The following PAFAH1B1 variants were observed in gnomAD, a reference collection of about 807,000 sequenced individuals.
PAFAH1B1 encodes platelet-activating factor acetylhydrolase IB subunit beta.
In PAFAH1B1, 2 loss-of-function variants were observed where a neutral mutation model predicts 57.5. The ratio of observed to expected loss-of-function variants is 0.03; its 90% CI spans 0.01 to 0.11. The LOEUF (loss-of-function observed/expected upper bound fraction) is 0.11. Among genes scored for constraint, PAFAH1B1 ranks in the 10% least tolerant of loss-of-function variants. The probability of loss-of-function intolerance (pLI) is 1.00; values close to 1 mark genes in which losing one functional copy is unlikely to be tolerated. For synonymous variants in PAFAH1B1, 152 were observed against 169.6 expected, an observed-to-expected ratio of 0.90 and a Z score of 0.81; for missense variants, 257 against 512.0, an observed-to-expected ratio of 0.50 and a Z score of 4.81.
intron 2 of PAFAH1B1, among the ~76,000 whole-genome samples, chr17:2,661,685 A>G (rs2069015741): frequency 6.6e-6 from 1 of 152,188 alleles, no homozygotes; most frequent in Non-Finnish European, 1.5e-5. Flanking sequence ...AAAACATCTC[A>G]GTTCATCAGC....
chr17:2,676,198 C>G (rs541316012), intron 8 of PAFAH1B1: 40 of 339,516 alleles, frequency 1.2e-4, no homozygotes, highest in Admixed American at 2.5e-4. Context: ...CCCAACATGG[C>G]AAAACCCCAT....
chr17:2,631,723 C>T (rs573333364), intron 1 of PAFAH1B1, among the ~76,000 whole-genome samples: 3 of 152,246 alleles, frequency 2.0e-5, no homozygotes, highest in Admixed American at 6.5e-5. Context: ...AGGAGCAATC[C>T]GCTTCCTTCA....
chr17:2,648,357 C>T (rs1051635021), intron 2 of PAFAH1B1, among the ~76,000 whole-genome samples: 3 of 151,934 alleles, frequency 2.0e-5, no homozygotes, highest in Non-Finnish European at 2.9e-5. Flanking sequence ...ATAATTTTTC[C>T]CGTGATTACA....
rs537301537 is a variant in PAFAH1B1 at position 2,628,112 on chromosome 17, A to G, written c.-190-9987A>G. ...TGCTCTGGCTAGGACTTCCAGTACT[A>G]TGTTGAAGAGGAGCGGTGAGAGTGG... On this transcript the variant is annotated intron_variant, in intron 1 of 10. Transcript: ENST00000397195. Among the ~76,000 whole-genome samples the G allele has an allele frequency of 6.2e-4, 95 of 152,256 alleles. 1 individual carries two copies. The South Asian group carries it at 8.1e-3, about 13-fold the overall frequency.
At chr17:2,610,724 C>T (rs1373140228) in intron 1 of PAFAH1B1, among the ~76,000 whole-genome samples, 2 of 152,222 alleles carry the variant, frequency 1.3e-5, no homozygotes, top group Non-Finnish European at 2.9e-5. Flanking sequence ...GTAGCACAAG[C>T]TTGGGCTAGA....
intron 1 of PAFAH1B1, among the ~76,000 whole-genome samples, chr17:2,612,732 C>T (rs1052205155): frequency 6.6e-6 from 1 of 151,772 alleles, no homozygotes; most frequent in Admixed American, 6.6e-5. Context: ...GCCCCAGCCT[C>T]CTACGTAGCT....
intron 5 of PAFAH1B1, among the ~76,000 whole-genome samples, chr17:2,669,596 GT>G (rs1270158947): frequency 1.3e-5 from 2 of 152,128 alleles, no homozygotes; most frequent in African/African-American, 4.8e-5. Flanking sequence ...ATATGCTCTT[GT>G]TCATTTGCTA....
At chr17:2,639,018 A>G (rs377455833) in intron 2 of PAFAH1B1, among the ~76,000 whole-genome samples, 11 of 151,542 alleles carry the variant, frequency 7.3e-5, no homozygotes, top group South Asian at 2.1e-4. Context: ...TTCTGCCTCA[A>G]CCTCCCGAGT....
At chr17:2,645,545 A>G (rs904622568) in intron 2 of PAFAH1B1, among the ~76,000 whole-genome samples, 14 of 150,126 alleles carry the variant, frequency 9.3e-5, no homozygotes, top group African/African-American at 3.4e-4. Context: ...GTGAGCCGAG[A>G]TCGCACCACT....
At chr17:2,636,384 C>G (rs1010550458) in intron 1 of PAFAH1B1, among the ~76,000 whole-genome samples, 1 of 152,158 alleles carries the variant, frequency 6.6e-6, no homozygotes, top group Non-Finnish European at 1.5e-5. Flanking sequence ...ATAAGGATCT[C>G]TAATGAAATA....
intron 1 of PAFAH1B1, among the ~76,000 whole-genome samples, chr17:2,601,406 T>C (rs1264182444): frequency 1.3e-5 from 2 of 151,568 alleles, no homozygotes; most frequent in East Asian, 1.9e-4. Flanking sequence ...GTGCTAGGAG[T>C]ACAGGCATGA....
rs748759714 is a variant in PAFAH1B1 at position 2,680,172 on chromosome 17, T to C, written c.1011T>C (p.His337=). The C allele has an allele frequency of 3.1e-6, 5 of 1,614,130 alleles. No homozygotes were observed. Among genetic ancestry groups the C allele is most frequent in the South Asian group, 1.1e-5 (1 of 91,084 alleles). Reference sequence around the variant, plus strand: ...ACTTTTTTGTTTTTAAGGTGGGTCATGATAACTGGGTACGTGGAGTTCTGT... The same window carrying C: ...ACTTTTTTGTTTTTAAGGTGGGTCACGATAACTGGGTACGTGGAGTTCTGT... ...TGMCLMTLVG[H]DNWVRGVLFH... Residue 337 remains histidine (H), a synonymous_variant, in exon 10 of 11, where the codon CAT becomes CAC. Coordinates refer to ENST00000397195, the MANE Select transcript of PAFAH1B1 (RefSeq NM_000430.4).
At chr17:2,633,399 C>T (rs1003281988) in intron 1 of PAFAH1B1, among the ~76,000 whole-genome samples, 7 of 151,474 alleles carry the variant, frequency 4.6e-5, no homozygotes, top group African/African-American at 1.5e-4. Context: ...AACTCCTGAC[C>T]TCAGGTAATC....
chr17:2,656,889 C>T (rs953633732), intron 2 of PAFAH1B1, among the ~76,000 whole-genome samples: 2 of 151,924 alleles, frequency 1.3e-5, no homozygotes, highest in Non-Finnish European at 2.9e-5. Flanking sequence ...CTGTTTCTAG[C>T]CATTTCTCTC....
chr17:2,638,069 A>G, intron 1 of PAFAH1B1, 30 bp from the exon 2 acceptor site: 1 of 490,680 alleles, frequency 2.0e-6, no homozygotes, highest in East Asian at 3.1e-5. Context: ...TAAGTGAAAT[A>G]ATCTTTTTTT....
intron 9 of PAFAH1B1, among the ~76,000 whole-genome samples, chr17:2,678,637 C>T (rs1281730765): frequency 9.9e-5 from 15 of 152,080 alleles, no homozygotes; most frequent in Non-Finnish European, 5.9e-5. Flanking sequence ...CCTGTAATCC[C>T]AGGACTTTGG....
chr17:2,596,367 A>G (rs1229230596), intron 1 of PAFAH1B1, among the ~76,000 whole-genome samples: 1 of 152,208 alleles, frequency 6.6e-6, no homozygotes, highest in Non-Finnish European at 1.5e-5. Flanking sequence ...CAGTAAATCT[A>G]TTTGAGATTT....
intron 2 of PAFAH1B1, among the ~76,000 whole-genome samples, chr17:2,652,966 C>G (rs1467456572): frequency 6.6e-6 from 1 of 152,134 alleles, no homozygotes; most frequent in Non-Finnish European, 1.5e-5. Context: ...AAGACACATG[C>G]ACACATATGT....
intron 1 of PAFAH1B1, among the ~76,000 whole-genome samples, chr17:2,616,634 G>A (rs1011432156): frequency 6.6e-6 from 1 of 152,146 alleles, no homozygotes; most frequent in Non-Finnish European, 1.5e-5. Flanking sequence ...TGTATCTGAA[G>A]AAATATCTTC....
Sources: gnomAD v4.1 joint callset for allele counts (sites outside exome capture counted in the v4.1 genomes callset) on GRCh38, gnomAD v4.1.1 for gene constraint, MANE v1.5 for transcripts, NCBI Gene and HGNC (gene_info 2026-07-23, HGNC 2026-07-21) for gene names.